The following MDGA2 variants were observed in gnomAD, a reference collection of about 807,000 sequenced individuals.
The protein encoded by MDGA2 is MAM domain-containing glycosylphosphatidylinositol anchor protein 2.
In MDGA2, 40 loss-of-function variants were observed where a neutral mutation model predicts 117.8. That is an observed-to-expected ratio of 0.34 (90% CI 0.26 to 0.44). The LOEUF (loss-of-function observed/expected upper bound fraction) is 0.44. Ranked by LOEUF, MDGA2 falls within the 20% of genes least tolerant of loss-of-function variation. MDGA2 has a pLI of 1.00. For synonymous variants in MDGA2, 452 were observed against 439.0 expected (o/e 1.03, Z -0.37); for missense variants, 1,123 against 1,250.6 (o/e 0.90, Z 1.54).
At chr14:47,414,990 A>G (rs1892445903) in intron 1 of MDGA2, among the ~76,000 whole-genome samples, 1 of 152,146 alleles carries the variant, frequency 6.6e-6, no homozygotes, top group South Asian at 2.1e-4. Context: ...ATCATTATAT[A>G]TATTTAATAT....
chr14:47,160,786 A>C (rs1883602750), intron 3 of MDGA2, among the ~76,000 whole-genome samples: 1 of 152,236 alleles, frequency 6.6e-6, no homozygotes, highest in Admixed American at 6.5e-5. Flanking sequence ...GAAAACTCAG[A>C]TATCCATCTG....
Position 47,251,780 on chromosome 14 carries a change from G to T in MDGA2, c.421-33585C>A, listed in dbSNP as rs1164498030. ...AAAGAACGTTTCTTTAAAATCTTCAGATTAAAAAACACAATCAACATAAAG... is the reference window on the plus strand; with the variant it reads ...AAAGAACGTTTCTTTAAAATCTTCATATTAAAAAACACAATCAACATAAAG... On this transcript the variant is annotated intron_variant, in intron 2 of 16. Coordinates refer to ENST00000399232, the MANE Select transcript of MDGA2 (RefSeq NM_001113498.3). 2.0e-5 allele frequency among the ~76,000 whole-genome samples: 3 copies of T among 152,088 alleles called. No individual in the cohort carries two copies. In the South Asian group the frequency reaches 6.2e-4, roughly 32 times the overall value.
chr14:47,266,031 T>C (rs1405830730), intron 2 of MDGA2, among the ~76,000 whole-genome samples: 5 of 152,112 alleles, frequency 3.3e-5, no homozygotes, highest in South Asian at 4.1e-4. Flanking sequence ...TGAGGTCACA[T>C]AATCCTCATA....
At chr14:47,490,525 A>C (rs1894146988) in intron 1 of MDGA2, among the ~76,000 whole-genome samples, 1 of 152,120 alleles carries the variant, frequency 6.6e-6, no homozygotes, top group South Asian at 2.1e-4. Flanking sequence ...CAGGTGGTGT[A>C]GTCTGTCTCC....
rs184321740 is a variant in MDGA2, at chr14:47,320,174, C to G, written c.281-18624G>C. ...GAGACAATAAATGTGTTAAAGCCATCCAGTTTGCAGTACTTTGTTGCAGCT... is the reference window on the plus strand; with the variant it reads ...GAGACAATAAATGTGTTAAAGCCATGCAGTTTGCAGTACTTTGTTGCAGCT... On this transcript the variant is annotated intron_variant, in intron 1 of 16. Coordinates refer to ENST00000399232, the MANE Select transcript of MDGA2 (RefSeq NM_001113498.3). Among the ~76,000 whole-genome samples the G allele has an allele frequency of 4.2e-3, 638 of 152,234 alleles. 7 individuals carry two copies. Among genetic ancestry groups the G allele is most frequent in the African/African-American group, 0.014 (601 of 41,536 alleles).
chr14:47,605,430 T>G (rs1166417440), intron 1 of MDGA2, among the ~76,000 whole-genome samples: 2 of 152,194 alleles, frequency 1.3e-5, no homozygotes, highest in African/African-American at 2.4e-5. Context: ...GAGAGATGTA[T>G]AGACACACGG....
rs144043441 is a variant in MDGA2, at chr14:47,363,084, T to C, written c.281-61534A>G. 5.3e-5 allele frequency among the ~76,000 whole-genome samples: 8 copies of C among 152,290 alleles called. No individual in the cohort carries two copies. The East Asian group carries it at 1.4e-3, about 26-fold the overall frequency. On this transcript the variant is annotated intron_variant, in intron 1 of 16. Coordinates refer to ENST00000399232, the MANE Select transcript of MDGA2 (RefSeq NM_001113498.3). ...GAATAGCTGAAGATATTAATGTCTC[T>C]GTTTATCATCTTGGTAATGATATAA...
intron 2 of MDGA2, among the ~76,000 whole-genome samples, chr14:47,242,506 G>T (rs1422260183): frequency 6.6e-6 from 1 of 151,846 alleles, no homozygotes; most frequent in African/African-American, 2.4e-5. Context: ...AGTTCCGGGT[G>T]GGCGTGGGCT....
At chr14:47,594,488 G>T (rs888753195) in intron 1 of MDGA2, among the ~76,000 whole-genome samples, 2 of 152,164 alleles carry the variant, frequency 1.3e-5, no homozygotes, top group African/African-American at 4.8e-5. Flanking sequence ...CATTGGAAAG[G>T]TATAATAAAT....
In MDGA2 at chr14:47,201,176, A is replaced by G. The variant is rs539724665; in HGVS notation, c.595+16845T>C. The G allele has an allele frequency of 5.4e-5, 34 of 625,988 alleles. 1 individual carries two copies. The highest frequency in any genetic ancestry group is 5.2e-4 in the South Asian group (34 of 65,900). The allele number at this position is 625,988 out of a possible 1,614,324, so 38.8% of individuals were successfully genotyped here. ...AGCTGCTAGTTTACCTGCTCCATCA[A>G]CTTCTTGAGGAACATTTTTCACGTG... On this transcript the variant is annotated intron_variant, in intron 3 of 16. Coordinates refer to ENST00000399232, the MANE Select transcript of MDGA2 (RefSeq NM_001113498.3).
intron 1 of MDGA2, among the ~76,000 whole-genome samples, chr14:47,390,029 A>G (rs907582952): frequency 6.6e-6 from 1 of 152,130 alleles, no homozygotes; most frequent in African/African-American, 2.4e-5. Flanking sequence ...TTGAGCTGCA[A>G]TATGACTTCC....
At chr14:47,396,056 A>G (rs1892001528) in intron 1 of MDGA2, among the ~76,000 whole-genome samples, 1 of 152,210 alleles carries the variant, frequency 6.6e-6, no homozygotes, top group Admixed American at 6.5e-5. Context: ...GAGGAGAAAT[A>G]GTAGACTGTG....
At chr14:47,193,439 A>C in intron 3 of MDGA2, among the ~76,000 whole-genome samples, 1 of 152,084 alleles carries the variant, frequency 6.6e-6, no homozygotes, top group East Asian at 1.9e-4. Flanking sequence ...TAACCATGTG[A>C]CTATGTAATA....
chr14:47,218,439 G>A lies in MDGA2; in HGVS notation c.421-244C>T, dbSNP rs575852373. On this transcript the variant is annotated intron_variant, in intron 2 of 16. Transcript: ENST00000399232. ...ATAGAATTCATCAATTGCCTAGTCA[G>A]TGTGGAGGGCAATATAAACTATAAC... Among the ~76,000 whole-genome samples the A allele has an allele frequency of 3.9e-5, 6 of 152,264 alleles. No homozygotes were observed. The East Asian group carries it at 1.2e-3, about 29-fold the overall frequency.
intron 2 of MDGA2, among the ~76,000 whole-genome samples, chr14:47,266,153 G>T (rs1175647180): frequency 1.3e-5 from 2 of 152,018 alleles, no homozygotes; most frequent in African/African-American, 4.8e-5. Flanking sequence ...CCAAATTATC[G>T]CAGGGATAAA....
intron 3 of MDGA2, among the ~76,000 whole-genome samples, chr14:47,148,797 AATTGGACAAGG>A (rs1357725505): frequency 6.6e-6 from 1 of 152,184 alleles, no homozygotes; most frequent in African/African-American, 2.4e-5. Flanking sequence ...CAGGTACAGA[AATTGGACAAGG>A]ATCGTGGCTT....
At chr14:47,460,992 C>A (rs891417874) in intron 1 of MDGA2, among the ~76,000 whole-genome samples, 2 of 152,058 alleles carry the variant, frequency 1.3e-5, no homozygotes, top group Non-Finnish European at 2.9e-5. Context: ...AAAGGAATTC[C>A]TTTCAGTTTG....
At chr14:47,328,126 T>C (rs919553824) in intron 1 of MDGA2, among the ~76,000 whole-genome samples, 5 of 152,176 alleles carry the variant, frequency 3.3e-5, no homozygotes, top group Non-Finnish European at 7.4e-5. Flanking sequence ...AGCTTCTTCA[T>C]GATCAAAAGA....
intron 5 of MDGA2, among the ~76,000 whole-genome samples, chr14:47,116,724 C>G (rs918426741): frequency 1.3e-5 from 2 of 151,974 alleles, no homozygotes; most frequent in Non-Finnish European, 2.9e-5. Context: ...AAAATTAAAT[C>G]TGATCCCTAA....
Sources: gnomAD v4.1 joint callset for allele counts (sites outside exome capture counted in the v4.1 genomes callset) on GRCh38, gnomAD v4.1.1 for gene constraint, MANE v1.5 for transcripts, NCBI Gene and HGNC (gene_info 2026-07-23, HGNC 2026-07-21) for gene names.